SMARCA2: variants seen among roughly 807,000 people sequenced by gnomAD.
SMARCA2 encodes the protein SWI/SNF-related matrix-associated actin-dependent regulator of chromatin subfamily A member 2.
A neutral mutation model predicts 199.8 loss-of-function variants in SMARCA2; 61 were observed. The observed-to-expected ratio is 0.31, with a 90% confidence interval of 0.25 to 0.38. The LOEUF (loss-of-function observed/expected upper bound fraction) is 0.38, where lower values mean the gene tolerates loss of function less well. Among genes scored for constraint, SMARCA2 ranks in the 10% least tolerant of loss-of-function variants. SMARCA2 has a pLI of 1.00. For synonymous variants in SMARCA2, 935 were observed against 732.0 expected, an observed-to-expected ratio of 1.28 and a Z score of -4.48; for missense variants, 1,344 against 2,012.2, an observed-to-expected ratio of 0.67 and a Z score of 6.35.
Position 2,110,317 on chromosome 9 carries a change from A to G in SMARCA2, c.3356A>G (p.Tyr1119Cys). 1 of 1,613,608 alleles carries G rather than the reference A, an allele frequency of 6.2e-7. No homozygotes were observed. Among genetic ancestry groups the G allele is most frequent in the South Asian group, 1.1e-5 (1 of 91,038 alleles). The change falls in exon 24 of 34, where the codon TAT becomes TGT. Residue 1119 changes from tyrosine to cysteine, a missense_variant. Physicochemically the swap from Tyr to Cys is radical, Grantham distance 194. Around this residue, in one of 18 missense-constraint regions of SMARCA2, gnomAD observed 98 missense variants for 245.6 expected, o/e 0.40. Coordinates refer to ENST00000349721, the MANE Select transcript of SMARCA2 (RefSeq NM_003070.5). This position sits in a 1 kb window ranked among gnomAD's most constrained non-coding sequence, Gnocchi z 4.8. ...LKKFNEPGSQ[Y>C]FIFLLSTRAG... Reference sequence around the variant, plus strand: ...AAATTCAATGAACCTGGATCCCAGTATTTCATTTTCTTGCTGAGCACAAGA... The same window carrying G: ...AAATTCAATGAACCTGGATCCCAGTGTTTCATTTTCTTGCTGAGCACAAGA...
At chr9:2,058,715 A>T (rs1425564145) in intron 8 of SMARCA2, among the ~76,000 whole-genome samples, 2 of 152,204 alleles carry the variant, frequency 1.3e-5, no homozygotes, top group African/African-American at 2.4e-5. Flanking sequence ...CGCGGTACAC[A>T]TTACAGCTTC....
chr9:2,123,759 C>T lies in SMARCA2; in HGVS notation c.3803C>T (p.Pro1268Leu), dbSNP rs1823568454. The T allele has an allele frequency of 1.9e-6, 3 of 1,614,048 alleles. No homozygotes were observed. The highest frequency in any genetic ancestry group is 2.5e-6 in the Non-Finnish European group (3 of 1,179,998). Reference protein sequence around the residue: ...MDRRREDARNPKRKPRLMEED... With the variant: ...MDRRREDARNLKRKPRLMEED... ...CGGCGGAGGGAAGATGCCCGGAACC[C>T]GAAACGGAAGCCCCGTTTAATGGAG... Residue 1268 changes from proline (P) to leucine (L), a missense_variant, in exon 27 of 34, where the codon CCG (proline) becomes CTG (leucine). This residue lies in a region of SMARCA2 where 63 missense variants were observed against 83.3 expected (regional missense o/e 0.76). Coordinates refer to ENST00000349721, the MANE Select transcript of SMARCA2 (RefSeq NM_003070.5). This position sits in a 1 kb window ranked among gnomAD's most constrained non-coding sequence, Gnocchi z 4.1.
intron 1 of SMARCA2, among the ~76,000 whole-genome samples, chr9:2,025,202 A>G (rs1470439061): frequency 9.2e-5 from 14 of 152,150 alleles, no homozygotes; most frequent in Non-Finnish European, 1.9e-4. Flanking sequence ...GAAAGTGGGA[A>G]GTAAGGACGA....
intron 27 of SMARCA2, among the ~76,000 whole-genome samples, chr9:2,126,122 C>G (rs927206125): frequency 6.6e-6 from 1 of 152,184 alleles, no homozygotes; most frequent in African/African-American, 2.4e-5. Context: ...GAGCATTTCT[C>G]TTTTTAGCGC....
intron 32 of SMARCA2, among the ~76,000 whole-genome samples, chr9:2,188,148 T>C (rs1827617694): frequency 6.6e-6 from 1 of 152,190 alleles, no homozygotes; most frequent in Non-Finnish European, 1.5e-5. Flanking sequence ...ATGAACACTT[T>C]CCATGGCAAT....
At chr9:2,153,985 A>G (rs1454112986) in intron 27 of SMARCA2, among the ~76,000 whole-genome samples, 1 of 152,242 alleles carries the variant, frequency 6.6e-6, no homozygotes, top group Non-Finnish European at 1.5e-5. Context: ...ATCATTAATA[A>G]TAAGTTATTG....
At chr9:2,052,718 T>TA (rs1563734420) in intron 5 of SMARCA2, among the ~76,000 whole-genome samples, 2 of 152,194 alleles carry the variant, frequency 1.3e-5, no homozygotes, top group African/African-American at 2.4e-5. Context: ...GTAGGTTTTT[T>TA]AAAAAATCAC....
intron 23 of SMARCA2, among the ~76,000 whole-genome samples, chr9:2,105,809 A>G (rs1025274502): frequency 2.6e-5 from 4 of 152,102 alleles, no homozygotes; most frequent in Non-Finnish European, 4.4e-5. Context: ...TTTCCCCTGA[A>G]CTGACAGCCC....
rs1485419374 is a variant in SMARCA2 at position 2,169,367 on chromosome 9, A to G, written c.4200-1052A>G. Reference sequence around the variant, plus strand: ...CTACCCGATGATGACCAGACTTCTTAGCGTAGGAGAATTGTTATCTTCCAC... The same window carrying G: ...CTACCCGATGATGACCAGACTTCTTGGCGTAGGAGAATTGTTATCTTCCAC... On this transcript the variant is annotated intron_variant, in intron 28 of 33. Coordinates refer to ENST00000349721, the MANE Select transcript of SMARCA2 (RefSeq NM_003070.5). The surrounding 1 kb of genome is among the most constrained non-coding windows in gnomAD (Gnocchi z 6.5). Among the ~76,000 whole-genome samples, 2 of 152,204 alleles carry G rather than the reference A, an allele frequency of 1.3e-5. No homozygotes were observed. Among genetic ancestry groups the G allele is most frequent in the African/African-American group, 2.4e-5 (1 of 41,446 alleles).
At chr9:2,052,915 T>C (rs761957974) in intron 5 of SMARCA2, among the ~76,000 whole-genome samples, 2 of 152,208 alleles carry the variant, frequency 1.3e-5, no homozygotes, top group Admixed American at 6.5e-5. Context: ...TCCTCCCAGC[T>C]CTGTACTCTG....
At chr9:2,142,356 G>A (rs902621508) in intron 27 of SMARCA2, among the ~76,000 whole-genome samples, 1 of 152,182 alleles carries the variant, frequency 6.6e-6, no homozygotes, top group African/African-American at 2.4e-5. Context: ...AAAGCATATT[G>A]GTTGTTTCAA....
At chr9:2,046,424 A>G (rs1819846683) in intron 4 of SMARCA2, among the ~76,000 whole-genome samples, 1 of 152,218 alleles carries the variant, frequency 6.6e-6, no homozygotes, top group Non-Finnish European at 1.5e-5. Context: ...AATATTTGCC[A>G]ATTTTTATTA....
intron 33 of SMARCA2, 113 bp downstream of exon 33, chr9:2,191,521 G>T (rs934904426): frequency 8.6e-7 from 1 of 1,164,112 alleles, no homozygotes; most frequent in Admixed American, 2.1e-5. Flanking sequence ...GACTGGAAAT[G>T]TCAGGATTTA....
At chr9:2,015,838 C>T (rs1329094550) in intron 1 of SMARCA2, 2 of 152,362 alleles carry the variant, frequency 1.3e-5, no homozygotes, top group Admixed American at 1.3e-4. Flanking sequence ...TTGCAATCCC[C>T]CCATCCCCTT....
intron 27 of SMARCA2, among the ~76,000 whole-genome samples, chr9:2,135,162 G>A (rs7864505): frequency 0.051 from 7,768 of 152,226 alleles, 640 homozygotes; most frequent in African/African-American, 0.18. Flanking sequence ...CCTGGATTAC[G>A]AAGACCTGAG....
intron 5 of SMARCA2, among the ~76,000 whole-genome samples, chr9:2,049,293 T>C (rs946813943): frequency 2.0e-5 from 3 of 152,240 alleles, no homozygotes. Flanking sequence ...TGCAGGACTT[T>C]CTTGTAATAA....
In SMARCA2 at chr9:2,123,354, A is replaced by C. The variant is rs1823547738; in HGVS notation, c.3763-365A>C. Among the ~76,000 whole-genome samples the C allele has an allele frequency of 6.6e-6, 1 of 152,214 alleles. No individual in the cohort carries two copies. Among genetic ancestry groups the C allele is most frequent in the Non-Finnish European group, 1.5e-5 (1 of 68,040 alleles). On this transcript the variant is annotated intron_variant, in intron 26 of 33. Transcript: ENST00000349721. The surrounding 1 kb of genome is among the most constrained non-coding windows in gnomAD (Gnocchi z 4.1). Reference sequence around the variant, plus strand: ...TCAAAGAATAAGTTTCTTCCAGGGAAGCAATGAGTTGTATAGCCAAGAGGT... The same window carrying C: ...TCAAAGAATAAGTTTCTTCCAGGGACGCAATGAGTTGTATAGCCAAGAGGT...
chr9:2,142,275 T>C (rs1824500019), intron 27 of SMARCA2, among the ~76,000 whole-genome samples: 1 of 152,252 alleles, frequency 6.6e-6, no homozygotes, highest in Non-Finnish European at 1.5e-5. Context: ...TTTCCTGTTC[T>C]AGAATCAGAC....
chr9:2,074,697 T>A (rs2130432645), intron 12 of SMARCA2, among the ~76,000 whole-genome samples: 1 of 152,214 alleles, frequency 6.6e-6, no homozygotes, highest in African/African-American at 2.4e-5. Flanking sequence ...TGAAACCCCA[T>A]TTCTACAAAA....
Sources: gnomAD v4.1 joint callset for allele counts (sites outside exome capture counted in the v4.1 genomes callset) on GRCh38, gnomAD v4.1.1 for gene constraint, gnomAD v4.1.1 regional missense constraint, Gnocchi (gnomAD v3.1) non-coding constraint, MANE v1.5 for transcripts, NCBI Gene and HGNC (gene_info 2026-07-23, HGNC 2026-07-21) for gene names.